The following CADM2 variants were observed in gnomAD, a reference collection of about 807,000 sequenced individuals.
CADM2 encodes cell adhesion molecule 2, also known as immunoglobulin superfamily member 4D.
Under a neutral mutation model 49.8 loss-of-function variants are expected in CADM2, and 12 were observed. The observed-to-expected ratio is 0.24, with a 90% CI of 0.15 to 0.39. CADM2 has a LOEUF of 0.39. CADM2 is among the 10% of genes least tolerant of loss of function. The pLI, the probability that CADM2 is intolerant of heterozygous loss-of-function variation, is 1.00. For missense variants in CADM2, 378 were observed against 492.3 expected (o/e 0.77, Z 2.20); for synonymous variants, 214 against 175.4 (o/e 1.22, Z -1.74).
At chr3:85,221,379 C>A (rs1251225177) in intron 1 of CADM2, among the ~76,000 whole-genome samples, 1 of 152,080 alleles carries the variant, frequency 6.6e-6, no homozygotes, top group African/African-American at 2.4e-5. Flanking sequence ...AAACCAAATT[C>A]AGGACACTGT....
intron 1 of CADM2, among the ~76,000 whole-genome samples, chr3:85,154,756 C>G (rs1040779232): frequency 2.8e-5 from 4 of 145,260 alleles, no homozygotes; most frequent in African/African-American, 5.3e-5. Flanking sequence ...AGAAACCCTA[C>G]AAGCCAGAAG....
intron 1 of CADM2, among the ~76,000 whole-genome samples, chr3:85,355,673 G>A (rs1453665636): frequency 6.6e-6 from 1 of 152,064 alleles, no homozygotes; most frequent in Admixed American, 6.6e-5. Flanking sequence ...AAAACATAGA[G>A]TTGCGATGTC....
chr3:85,450,321 G>A (rs1374706715), intron 1 of CADM2, among the ~76,000 whole-genome samples: 1 of 151,796 alleles, frequency 6.6e-6, no homozygotes, highest in Non-Finnish European at 1.5e-5. Flanking sequence ...CTGGAACCTA[G>A]GGGAAAGTTT....
intron 7 of CADM2, among the ~76,000 whole-genome samples, chr3:85,959,839 C>G (rs921880426): frequency 1.3e-5 from 2 of 151,832 alleles, no homozygotes; most frequent in African/African-American, 2.4e-5. Context: ...GCTGTGCCAT[C>G]TAGGTTTGTG....
intron 1 of CADM2, among the ~76,000 whole-genome samples, chr3:85,037,134 A>G (rs747084311): frequency 3.3e-5 from 5 of 152,034 alleles, no homozygotes; most frequent in Non-Finnish European, 7.4e-5. Flanking sequence ...TGCGCCATGC[A>G]CTCCAGCCTG....
intron 1 of CADM2, among the ~76,000 whole-genome samples, chr3:85,040,896 T>C (rs767746985): frequency 1.3e-5 from 2 of 152,166 alleles, no homozygotes; most frequent in Non-Finnish European, 2.9e-5. Context: ...TAAGAAATAA[T>C]ATTACAGGAG....
chr3:85,630,923 A>T (rs1297468249), intron 1 of CADM2, among the ~76,000 whole-genome samples: 1 of 152,064 alleles, frequency 6.6e-6, no homozygotes, highest in Non-Finnish European at 1.5e-5. Context: ...CAATTAGAAA[A>T]AAAAAAGAAA....
chr3:85,275,551 T>C (rs1457494494), intron 1 of CADM2, among the ~76,000 whole-genome samples: 1 of 151,324 alleles, frequency 6.6e-6, no homozygotes, highest in African/African-American at 2.4e-5. Context: ...AAATATAAAA[T>C]CTTTATATAT....
intron 3 of CADM2, among the ~76,000 whole-genome samples, chr3:85,843,232 T>G (rs72908595): frequency 0.045 from 6,825 of 152,176 alleles, 482 homozygotes; most frequent in African/African-American, 0.16. Flanking sequence ...AATTGAAAAA[T>G]CTTATTTCAT....
Position 85,568,851 on chromosome 3 carries a change from G to A in CADM2, c.62-157671G>A, listed in dbSNP as rs186240173. On this transcript the variant is annotated intron_variant, in intron 1 of 9. Transcript: ENST00000383699. ...TCAAACTCCTGACTTCAGGTGATCCGTCCACCTCGGCCTTCCAATACGGAC... is the reference window on the plus strand; with the variant it reads ...TCAAACTCCTGACTTCAGGTGATCCATCCACCTCGGCCTTCCAATACGGAC... Among the ~76,000 whole-genome samples, 355 of 151,754 alleles carry A rather than the reference G, an allele frequency of 2.3e-3. 4 individuals carry two copies. Among genetic ancestry groups the A allele is most frequent in the Admixed American group, 0.02 (308 of 15,220 alleles).
intron 1 of CADM2, among the ~76,000 whole-genome samples, chr3:85,276,891 A>G (rs1470151220): frequency 6.6e-6 from 1 of 151,354 alleles, no homozygotes; most frequent in African/African-American, 2.4e-5. Flanking sequence ...AGGCAAGTTA[A>G]GGAAATATTC....
intron 8 of CADM2, among the ~76,000 whole-genome samples, chr3:86,030,768 A>C (rs35177461): frequency 0.3 from 46,219 of 151,764 alleles, 8,361 homozygotes; most frequent in Admixed American, 0.39. Flanking sequence ...AGTGTTCATA[A>C]ATGAATTGAT....
chr3:85,305,752 T>A (rs1437056725), intron 1 of CADM2, among the ~76,000 whole-genome samples: 1 of 151,700 alleles, frequency 6.6e-6, no homozygotes, highest in East Asian at 1.9e-4. Context: ...TTCAGAGAAT[T>A]CACAATTCAC....
intron 2 of CADM2, among the ~76,000 whole-genome samples, chr3:85,763,581 C>A (rs1049550401): frequency 6.6e-6 from 1 of 152,166 alleles, no homozygotes; most frequent in African/African-American, 2.4e-5. Flanking sequence ...TTTCTTACAG[C>A]ATTTAAGTGG....
chr3:85,760,406 G>A lies in CADM2; in HGVS notation c.88+33858G>A, dbSNP rs147912341. Among the ~76,000 whole-genome samples the A allele has an allele frequency of 3.3e-3, 501 of 151,160 alleles. 1 individual carries two copies. The highest frequency in any genetic ancestry group is 0.011 in the African/African-American group (461 of 41,204). On this transcript the variant is annotated intron_variant, in intron 2 of 9. Coordinates refer to ENST00000383699, the MANE Select transcript of CADM2 (RefSeq NM_001167675.2). ...TGCTTTTCAATTTATCCTTTTGTAC[G>A]TTGATGACATTTATTCTACACAAAA...
chr3:85,715,570 T>C (rs935220984), intron 1 of CADM2, among the ~76,000 whole-genome samples: 1 of 152,206 alleles, frequency 6.6e-6, no homozygotes, highest in African/African-American at 2.4e-5. Context: ...GTTTGTTACA[T>C]AGATATTCAT....
At chr3:85,530,666 C>A (rs1418715249) in intron 1 of CADM2, among the ~76,000 whole-genome samples, 1 of 152,006 alleles carries the variant, frequency 6.6e-6, no homozygotes, top group Non-Finnish European at 1.5e-5. Context: ...TGGGTAATAT[C>A]TTTATAGCAG....
At chr3:85,299,807 T>C (rs1465788063) in intron 1 of CADM2, among the ~76,000 whole-genome samples, 1 of 152,040 alleles carries the variant, frequency 6.6e-6, no homozygotes, top group Non-Finnish European at 1.5e-5. Flanking sequence ...ACTCAGATTG[T>C]TTGGAAAGAT....
At chr3:85,315,257 T>G (rs2044437232) in intron 1 of CADM2, among the ~76,000 whole-genome samples, 1 of 152,090 alleles carries the variant, frequency 6.6e-6, no homozygotes, top group Non-Finnish European at 1.5e-5. Flanking sequence ...TTGAAAGTAT[T>G]CTCCCCTCTA....
Sources: allele counts gnomAD v4.1 joint callset (sites outside exome capture counted in the v4.1 genomes callset), GRCh38; gene constraint gnomAD v4.1.1; transcripts MANE v1.5; gene names NCBI Gene and HGNC (gene_info 2026-07-23, HGNC 2026-07-21).